Variants in PHTF2 observed in about 807,000 individuals in gnomAD.
PHTF2 encodes the protein putative homeodomain transcription factor 2, also known as protein PHTF2.
In PHTF2, 60 loss-of-function variants were observed where a neutral mutation model predicts 101.2. That is an observed-to-expected ratio of 0.59 (90% CI 0.48 to 0.73). The LOEUF (loss-of-function observed/expected upper bound fraction) is 0.73, where lower values mean the gene tolerates loss of function less well. PHTF2 is among the 30% of genes least tolerant of loss of function. The pLI is 0.00. For missense variants in PHTF2, 747 were observed against 908.7 expected (o/e 0.82, Z 2.29); for synonymous variants, 311 against 307.3 (o/e 1.01, Z -0.13).
At chr7:77,934,491 A>G (rs1435220652) in intron 12 of PHTF2, among the ~76,000 whole-genome samples, 3 of 152,236 alleles carry the variant, frequency 2.0e-5, no homozygotes, top group African/African-American at 7.2e-5. Flanking sequence ...ACATGCCACC[A>G]TTTAAGCAAT....
rs528824978 is a variant in PHTF2 at position 77,884,287 on chromosome 7, A to C, written c.148-9321A>C. Among the ~76,000 whole-genome samples, 4 of 152,268 alleles carry C rather than the reference A, an allele frequency of 2.6e-5. No individual in the cohort carries two copies. The South Asian group carries it at 8.3e-4, about 32-fold the overall frequency. ...ACAAGTGGTTTTTGGTTACATGATG[A>C]ATTATATAGTGATGAAGTCTGAGAT... On this transcript the variant is annotated intron_variant, in intron 3 of 19. Coordinates refer to ENST00000416283, the Ensembl canonical transcript of PHTF2.
chr7:77,861,333 A>G (rs1797624965), intron 3 of PHTF2, among the ~76,000 whole-genome samples: 1 of 152,176 alleles, frequency 6.6e-6, no homozygotes, highest in African/African-American at 2.4e-5. Flanking sequence ...AAAGGCAGAT[A>G]TAGTTTCAGT....
At chr7:77,816,103 C>T (rs928959866) in intron 1 of PHTF2, among the ~76,000 whole-genome samples, 4 of 151,802 alleles carry the variant, frequency 2.6e-5, no homozygotes, top group African/African-American at 9.7e-5. Context: ...AGACAAGAGT[C>T]ATGATCTGTC....
chr7:77,912,831 C>G (rs1252970297), intron 9 of PHTF2, among the ~76,000 whole-genome samples: 1 of 144,370 alleles, frequency 6.9e-6, no homozygotes, highest in Non-Finnish European at 1.5e-5. Context: ...CTCCCAGGCT[C>G]AGGTGATTCT....
intron 1 of PHTF2, among the ~76,000 whole-genome samples, chr7:77,821,846 C>G (rs1282654642): frequency 6.6e-6 from 1 of 152,174 alleles, no homozygotes; most frequent in African/African-American, 2.4e-5. Context: ...AGGGATGTTA[C>G]TCAGGTCCAG....
intron 1 of PHTF2, among the ~76,000 whole-genome samples, chr7:77,800,217 C>T (rs1302113833): frequency 6.6e-6 from 1 of 152,140 alleles, no homozygotes; most frequent in African/African-American, 2.4e-5. Context: ...GGTGTATGGA[C>T]TGCAAATTTT....
intron 3 of PHTF2, among the ~76,000 whole-genome samples, chr7:77,858,494 CT>C (rs771214609): frequency 6.6e-6 from 1 of 152,132 alleles, no homozygotes; most frequent in Non-Finnish European, 1.5e-5. Context: ...GGTCTGCTGA[CT>C]TTTAGGCCAC....
chr7:77,900,246 C>T (rs1034355129), intron 5 of PHTF2, among the ~76,000 whole-genome samples: 3 of 152,116 alleles, frequency 2.0e-5, no homozygotes, highest in Non-Finnish European at 2.9e-5. Flanking sequence ...AGCTGATTGG[C>T]GTCTGCTGAG....
chr7:77,876,144 T>C (rs1422078705), intron 3 of PHTF2, among the ~76,000 whole-genome samples: 1 of 152,154 alleles, frequency 6.6e-6, no homozygotes, highest in African/African-American at 2.4e-5. Context: ...ATCTAGCCTA[T>C]TTCTTTTACT....
intron 15 of PHTF2, among the ~76,000 whole-genome samples, chr7:77,941,138 T>C (rs1805607937): frequency 6.6e-6 from 1 of 152,196 alleles, no homozygotes; most frequent in East Asian, 1.9e-4. Context: ...TCCAATGATA[T>C]TTATTCACAG....
At chr7:77,906,016 T>C (rs1175932365) in intron 7 of PHTF2, among the ~76,000 whole-genome samples, 1 of 151,674 alleles carries the variant, frequency 6.6e-6, no homozygotes, top group East Asian at 1.9e-4. Flanking sequence ...GGAGTCTCGC[T>C]CTGTTGCCCA....
At chr7:77,838,065 G>A (rs761395132) in intron 1 of PHTF2, among the ~76,000 whole-genome samples, 3 of 152,022 alleles carry the variant, frequency 2.0e-5, no homozygotes, top group Non-Finnish European at 4.4e-5. Flanking sequence ...TTGCTTGAGG[G>A]GATAGGTTAT....
intron 2 of PHTF2, 45 bp downstream of exon 2, chr7:77,840,345 T>A: frequency 8.5e-7 from 1 of 1,177,566 alleles, no homozygotes; most frequent in Non-Finnish European, 1.3e-6. Flanking sequence ...TGTTTGAATT[T>A]CAAAAATACA....
At position 77,910,216 on chromosome 7, in the gene PHTF2, C is replaced by T. The variant is rs773866354; in HGVS notation, c.612-29C>T. ...AGTGGTTATTAAAATATTAAAGCTG[C>T]CTTCCATTCTTAATCTCTTCTGATG... On this transcript the variant is annotated intron_variant, in intron 8 of 19. Coordinates refer to ENST00000416283, the Ensembl canonical transcript of PHTF2. The T allele has an allele frequency of 4.4e-6, 7 of 1,578,636 alleles. No homozygotes were observed. The African/African-American group carries it at 9.6e-5, about 22-fold the overall frequency.
intron 3 of PHTF2, among the ~76,000 whole-genome samples, chr7:77,884,093 A>G (rs1016704528): frequency 1.3e-5 from 2 of 152,188 alleles, no homozygotes; most frequent in African/African-American, 4.8e-5. Context: ...GGTATCTTAA[A>G]CAGTCCAGGG....
At chr7:77,897,887 G>A (rs1380277915) in intron 5 of PHTF2, among the ~76,000 whole-genome samples, 1 of 151,710 alleles carries the variant, frequency 6.6e-6, no homozygotes, top group Non-Finnish European at 1.5e-5. Flanking sequence ...CACCATGTTG[G>A]CTAGGCTGGT....
intron 3 of PHTF2, among the ~76,000 whole-genome samples, 190 bp from the exon 3 acceptor site, chr7:77,893,418 T>C (rs796521140): frequency 2.0e-5 from 3 of 152,328 alleles, no homozygotes; most frequent in African/African-American, 7.2e-5. Flanking sequence ...AAGGTGACGC[T>C]AGTACTACTG....
At chr7:77,922,637 A>G in exon 11 of PHTF2, 2 of 1,610,490 alleles carry the variant, frequency 1.2e-6, no homozygotes, top group African/African-American at 1.3e-5. Context: ...CCCAAAGGAC[A>G]ATAACAAATG....
chr7:77,896,224 G>A (rs901605926), intron 5 of PHTF2, among the ~76,000 whole-genome samples: 2 of 152,098 alleles, frequency 1.3e-5, no homozygotes, highest in African/African-American at 4.8e-5. Context: ...TAGCAGTCAA[G>A]TCAGAGCTTT....
Sources: gnomAD v4.1 joint callset for allele counts (sites outside exome capture counted in the v4.1 genomes callset) on GRCh38, gnomAD v4.1.1 for gene constraint, MANE v1.5 for transcripts, NCBI Gene and HGNC (gene_info 2026-07-23, HGNC 2026-07-21) for gene names.